SMARCB1: variants seen among roughly 807,000 people sequenced by gnomAD.
The protein encoded by SMARCB1 is SWI/SNF-related matrix-associated actin-dependent regulator of chromatin subfamily B member 1.
In SMARCB1, 5 loss-of-function variants were observed where a neutral mutation model predicts 49.0. That is an observed-to-expected ratio of 0.10 (90% CI 0.05 to 0.21). SMARCB1 has a LOEUF of 0.21. Ranked by LOEUF, SMARCB1 falls within the 10% of genes least tolerant of loss-of-function variation. The pLI is 1.00. For missense variants in SMARCB1, 226 were observed against 509.2 expected (o/e 0.44, Z 5.35); for synonymous variants, 201 against 200.1 (o/e 1.00, Z -0.04).
intron 6 of SMARCB1, among the ~76,000 whole-genome samples, chr22:23,821,253 C>T (rs2030071718): frequency 6.6e-6 from 1 of 152,226 alleles, no homozygotes; most frequent in Non-Finnish European, 1.5e-5. Context: ...ACACAGCTGG[C>T]CCAGGGAAGC....
rs1928023031 is a variant in SMARCB1, at chr22:23,787,039, G to A, written c.-131G>A. ...GCGGCGGCTGAGGAGCCCGGCTGAG[G>A]CGCCAGTACCCGGCCCGGTCCGCAT... On this transcript the variant is annotated 5_prime_UTR_variant, in exon 1 of 9. Transcript: ENST00000644036. 1 of 585,638 alleles carries A rather than the reference G, an allele frequency of 1.7e-6. No homozygotes were observed. Among genetic ancestry groups the A allele is most frequent in the East Asian group, 3.4e-5 (1 of 29,184 alleles). The allele number at this position is 585,638 out of a possible 1,614,324, so 36.3% of individuals were successfully genotyped here. A position where few individuals can be genotyped will look rare whatever the true frequency, so the allele number is the denominator to read the frequency against.
intron 7 of SMARCB1, among the ~76,000 whole-genome samples, chr22:23,832,813 G>A (rs898340098): frequency 6.6e-6 from 1 of 152,176 alleles, no homozygotes; most frequent in African/African-American, 2.4e-5. Context: ...GCACTCCTGT[G>A]CCCACCCCAT....
chr22:23,834,508 TTTCTTCAACAGGTCATGTTC>T lies in SMARCB1; in HGVS notation c.*329_*348del, dbSNP rs1290088641. 1 of 507,514 alleles carries T rather than the reference TTTCTTCAACAGGTCATGTTC, an allele frequency of 2.0e-6. No homozygotes were observed. Among genetic ancestry groups the T allele is most frequent in the Non-Finnish European group, 3.7e-6 (1 of 269,980 alleles). 31.4% of individuals were successfully genotyped at this position (507,514 alleles called of 1,614,324 possible). On this transcript the variant is annotated 3_prime_UTR_variant, in exon 9 of 9. Coordinates refer to ENST00000644036, the MANE Select transcript of SMARCB1 (RefSeq NM_003073.5). The stretch of plus-strand genomic sequence containing the variant: ...ATAAAAGGCAACAGGTCATGTTCAA[TTTCTTCAACAGGTCATGTTC>T]AATTTCTTCAAAGTTTTAACATAAA...
In SMARCB1 at chr22:23,835,529, G is replaced by A. The variant is rs1316511121; in HGVS notation, c.*1349G>A. The A allele has an allele frequency of 1.0e-6, 1 of 985,552 alleles. No individual in the cohort carries two copies. Among genetic ancestry groups the A allele is most frequent in the Non-Finnish European group, 1.2e-6 (1 of 829,974 alleles). 61.1% of individuals were successfully genotyped at this position (985,552 alleles called of 1,614,324 possible). A position where few individuals can be genotyped will look rare whatever the true frequency, so the allele number is the denominator to read the frequency against. On this transcript the variant is annotated 3_prime_UTR_variant, in exon 9 of 9. Coordinates refer to ENST00000644036, the MANE Select transcript of SMARCB1 (RefSeq NM_003073.5). ...GAGAGGAGGGCTCCTTTGAGCACAT[G>A]TTAGCATGGGACTCTTCCCAGGGAG... is the stretch of plus-strand genomic sequence containing the variant.
chr22:23,833,468 G>C, intron 7 of SMARCB1, 104 bp from the exon 8 acceptor site: 1 of 1,519,646 alleles, frequency 6.6e-7, no homozygotes, highest in Non-Finnish European at 9.1e-7. Context: ...GGTGCCAGCA[G>C]TGCTGCTGGG....
At chr22:23,820,655 G>A (rs533607120) in intron 6 of SMARCB1, among the ~76,000 whole-genome samples, 1 of 152,292 alleles carries the variant, frequency 6.6e-6, no homozygotes, top group Admixed American at 6.5e-5. Flanking sequence ...TTTTATTATT[G>A]ATTCAGTCTC....
intron 5 of SMARCB1, among the ~76,000 whole-genome samples, chr22:23,808,409 C>G (rs1044724594): frequency 2.0e-5 from 3 of 152,100 alleles, no homozygotes; most frequent in Non-Finnish European, 2.9e-5. Flanking sequence ...GCGTGAGCCA[C>G]GGCGCCTGGC....
intron 4 of SMARCB1, 57 bp downstream of exon 4, chr22:23,801,138 A>G (rs767135633): frequency 3.1e-6 from 5 of 1,613,698 alleles, no homozygotes; most frequent in Non-Finnish European, 3.4e-6. Context: ...GTTCTCCAGC[A>G]CGTTTCAGTT....
At chr22:23,806,659 C>T (rs752661439) in intron 5 of SMARCB1, among the ~76,000 whole-genome samples, 15 of 152,142 alleles carry the variant, frequency 9.9e-5, no homozygotes, top group East Asian at 1.9e-4. Context: ...TGGTGGCTCA[C>T]GCCTGTAATC....
rs1196293270 is a variant in SMARCB1, at chr22:23,816,974, C to G, written c.795+38C>G. 3 of 1,578,684 alleles carry G rather than the reference C, an allele frequency of 1.9e-6. No homozygotes were observed. The South Asian group carries it at 3.3e-5, about 18-fold the overall frequency. On this transcript the variant is annotated intron_variant, in intron 6 of 8. Coordinates refer to ENST00000644036, the MANE Select transcript of SMARCB1 (RefSeq NM_003073.5). ...TCACCCAGCACTGGAGCCTTCCTGGCCCTCAGGGTGGGTGTCATCATGGAG... is the reference window on the plus strand; with the variant it reads ...TCACCCAGCACTGGAGCCTTCCTGGGCCTCAGGGTGGGTGTCATCATGGAG...
At chr22:23,804,285 T>C (rs1322058149) in intron 5 of SMARCB1, 1 of 151,152 alleles carries the variant, frequency 6.6e-6, no homozygotes, top group African/African-American at 2.4e-5. Context: ...CTCACTGTAA[T>C]CTTGAACTGC....
In SMARCB1 at chr22:23,794,367, G is replaced by A. The variant is rs142182017; in HGVS notation, c.362+679G>A. ...AAACGTAAGCCAAGTCCTGGATTCC[G>A]GAGAACAGTTACAAATGCTTGGAAA... On this transcript the variant is annotated intron_variant, in intron 3 of 8. Transcript: ENST00000644036. 1.4e-4 allele frequency among the ~76,000 whole-genome samples: 22 copies of A among 152,276 alleles called. No homozygotes were observed. In the East Asian group the frequency reaches 2.1e-3, roughly 15 times the overall value.
At chr22:23,789,827 GC>G (rs1392930748) in intron 1 of SMARCB1, among the ~76,000 whole-genome samples, 2 of 152,178 alleles carry the variant, frequency 1.3e-5, no homozygotes, top group African/African-American at 4.8e-5. Flanking sequence ...GACGGTCTCA[GC>G]CCACTGCCCT....
At chr22:23,824,815 A>G (rs1445857019) in intron 6 of SMARCB1, 2 of 289,556 alleles carry the variant, frequency 6.9e-6, no homozygotes, top group Non-Finnish European at 1.4e-5. Context: ...GGGCATAGAC[A>G]TTGGCTCAAG....
intron 6 of SMARCB1, chr22:23,823,992 A>G (rs1170585161): frequency 1.3e-5 from 2 of 152,348 alleles, no homozygotes; most frequent in Non-Finnish European, 2.9e-5. Context: ...ACAGAGTGAC[A>G]TCCTGTCTCC....
At chr22:23,792,019 G>C (rs1224494324) in intron 2 of SMARCB1, 125 bp downstream of exon 2, 3 of 1,017,916 alleles carry the variant, frequency 2.9e-6, no homozygotes, top group Non-Finnish European at 4.5e-6. Context: ...GGAGCATCCC[G>C]GGGTGGGCCG....
intron 5 of SMARCB1, among the ~76,000 whole-genome samples, chr22:23,804,551 T>C (rs2145985318): frequency 6.6e-6 from 1 of 152,262 alleles, no homozygotes; most frequent in East Asian, 1.9e-4. Flanking sequence ...TTTCTCTTTT[T>C]TTTGGGAGGG....
At chr22:23,789,978 A>G (rs1393142375) in intron 1 of SMARCB1, among the ~76,000 whole-genome samples, 2 of 152,152 alleles carry the variant, frequency 1.3e-5, no homozygotes, top group Non-Finnish European at 1.5e-5. Context: ...CCATTAACAG[A>G]CAGCTGTATT....
chr22:23,810,961 C>T (rs999649007), intron 5 of SMARCB1, among the ~76,000 whole-genome samples: 3 of 149,834 alleles, frequency 2.0e-5, no homozygotes, highest in African/African-American at 4.9e-5. Context: ...TGCTTGAACC[C>T]GGGAGGTGGA....
Sources: gnomAD v4.1 joint callset for allele counts (sites outside exome capture counted in the v4.1 genomes callset) on GRCh38, gnomAD v4.1.1 for gene constraint, MANE v1.5 for transcripts, NCBI Gene and HGNC (gene_info 2026-07-23, HGNC 2026-07-21) for gene names.